COX7B2: variants seen among roughly 807,000 people sequenced by gnomAD.
COX7B2 encodes cytochrome c oxidase subunit 7B2, mitochondrial.
For missense variants in COX7B2, 109 were observed against 95.9 expected (o/e 1.14, Z -0.57); for synonymous variants, 37 against 32.1 (o/e 1.15, Z -0.51).
intron 2 of COX7B2, among the ~76,000 whole-genome samples, chr4:46,773,565 G>C (rs763839832): frequency 6.6e-6 from 1 of 152,078 alleles, no homozygotes. Flanking sequence ...AAAATGCATA[G>C]TATAAGCATG....
chr4:46,814,903 G>A lies in COX7B2; in HGVS notation c.-50+30057C>T, dbSNP rs374476743. On this transcript the variant is annotated intron_variant, in intron 2 of 2. Transcript: ENST00000355591. Reference sequence around the variant, plus strand: ...TGTGGTTTAAGAAAATGTCACTTGAGGGCCAGGCACGTTGGCTCATGCCTG... The same window carrying A: ...TGTGGTTTAAGAAAATGTCACTTGAAGGCCAGGCACGTTGGCTCATGCCTG... Among the ~76,000 whole-genome samples the A allele has an allele frequency of 2.0e-5, 3 of 152,056 alleles. No homozygotes were observed. The East Asian group carries it at 5.8e-4, about 29-fold the overall frequency.
chr4:46,783,908 C>G (rs1334721837), intron 2 of COX7B2, among the ~76,000 whole-genome samples: 1 of 152,218 alleles, frequency 6.6e-6, no homozygotes, highest in Non-Finnish European at 1.5e-5. Context: ...GGCAGTTTTA[C>G]TTCTCTTTAT....
intron 2 of COX7B2, among the ~76,000 whole-genome samples, chr4:46,754,859 C>G (rs1205657188): frequency 6.6e-6 from 1 of 150,512 alleles, no homozygotes; most frequent in South Asian, 2.1e-4. Flanking sequence ...CAAATACTAT[C>G]AAACATACAA....
At chr4:46,796,420 A>G (rs1161285198) in intron 2 of COX7B2, among the ~76,000 whole-genome samples, 1 of 143,898 alleles carries the variant, frequency 6.9e-6, no homozygotes, top group Non-Finnish European at 1.5e-5. Flanking sequence ...TAGAATGGCA[A>G]TCATTAAAAA....
At chr4:46,883,581 CA>C (rs778907884) in intron 1 of COX7B2, among the ~76,000 whole-genome samples, 2 of 151,624 alleles carry the variant, frequency 1.3e-5, no homozygotes, top group East Asian at 1.9e-4. Flanking sequence ...ACCAAAAATA[CA>C]AAAAAATTAG....
intron 2 of COX7B2, among the ~76,000 whole-genome samples, chr4:46,806,871 A>G (rs1719025258): frequency 6.6e-6 from 1 of 151,998 alleles, no homozygotes; most frequent in Non-Finnish European, 1.5e-5. Flanking sequence ...GGGCTAAATA[A>G]TATCCCATTG....
chr4:46,737,940 C>A (rs1430633940), intron 2 of COX7B2, among the ~76,000 whole-genome samples: 1 of 152,098 alleles, frequency 6.6e-6, no homozygotes, highest in African/African-American at 2.4e-5. Flanking sequence ...ACAGGGCAAC[C>A]AGAGCCAAAT....
chr4:46,863,626 T>A (rs766513386), intron 1 of COX7B2, among the ~76,000 whole-genome samples: 3 of 152,216 alleles, frequency 2.0e-5, no homozygotes, highest in Admixed American at 6.5e-5. Flanking sequence ...ATTCAACTAT[T>A]GTTGTGCCTT....
chr4:46,823,485 T>A (rs1714449622), intron 2 of COX7B2, among the ~76,000 whole-genome samples: 1 of 151,104 alleles, frequency 6.6e-6, no homozygotes. Flanking sequence ...CTCCAAATAT[T>A]TGGAAATTAA....
chr4:46,880,062 C>T (rs572396452), intron 1 of COX7B2, among the ~76,000 whole-genome samples: 1 of 152,052 alleles, frequency 6.6e-6, no homozygotes, highest in Non-Finnish European at 1.5e-5. Context: ...CCAACTTTGC[C>T]CATTCAGTGT....
At chr4:46,878,398 T>C (rs1176031904) in intron 1 of COX7B2, among the ~76,000 whole-genome samples, 2 of 151,328 alleles carry the variant, frequency 1.3e-5, no homozygotes, top group Non-Finnish European at 3.0e-5. Context: ...ATTTAGGTGC[T>C]CTTACCATAA....
intron 1 of COX7B2, among the ~76,000 whole-genome samples, chr4:46,877,941 C>T (rs1718447837): frequency 6.6e-6 from 1 of 151,922 alleles, no homozygotes. Flanking sequence ...ATGTTCACTG[C>T]AGCAGTTCAC....
chr4:46,898,554 A>G (rs1249886582), intron 1 of COX7B2, among the ~76,000 whole-genome samples: 1 of 152,046 alleles, frequency 6.6e-6, no homozygotes, highest in Non-Finnish European at 1.5e-5. Flanking sequence ...AGAAGCTGGG[A>G]CTACAAACAT....
chr4:46,900,365 G>A (rs758666300), intron 1 of COX7B2, among the ~76,000 whole-genome samples: 4 of 152,148 alleles, frequency 2.6e-5, no homozygotes, highest in Non-Finnish European at 5.9e-5. Flanking sequence ...GAGGTGGACA[G>A]CTGCCTCCTT....
At chr4:46,757,012 A>G in intron 2 of COX7B2, among the ~76,000 whole-genome samples, 1 of 152,138 alleles carries the variant, frequency 6.6e-6, no homozygotes, top group East Asian at 1.9e-4. Context: ...ATTATTCACA[A>G]TAGCAAAAAT....
chr4:46,825,182 G>A (rs1714599303), intron 2 of COX7B2, among the ~76,000 whole-genome samples: 1 of 152,036 alleles, frequency 6.6e-6, no homozygotes. Flanking sequence ...CTTCAGCAAA[G>A]TTGCAGAATA....
chr4:46,769,865 C>A (rs1345456074), intron 2 of COX7B2, among the ~76,000 whole-genome samples: 1 of 152,006 alleles, frequency 6.6e-6, no homozygotes, highest in Non-Finnish European at 1.5e-5. Context: ...AGACCATATA[C>A]AATAAGCCCA....
At chr4:46,854,848 T>A (rs1384224287) in intron 1 of COX7B2, among the ~76,000 whole-genome samples, 2 of 152,164 alleles carry the variant, frequency 1.3e-5, no homozygotes, top group African/African-American at 4.8e-5. Flanking sequence ...TATTCTATAG[T>A]TAAGTGAAAT....
intron 1 of COX7B2, among the ~76,000 whole-genome samples, chr4:46,877,823 G>T (rs948246892): frequency 8.6e-5 from 13 of 152,046 alleles, no homozygotes; most frequent in African/African-American, 2.9e-4. Flanking sequence ...CTGTTTGAAG[G>T]TTCCTAAAAA....
Sources: gnomAD v4.1 joint callset for allele counts (sites outside exome capture counted in the v4.1 genomes callset) on GRCh38, gnomAD v4.1.1 for gene constraint, MANE v1.5 for transcripts, NCBI Gene and HGNC (gene_info 2026-07-23, HGNC 2026-07-21) for gene names.